RPS6KA2: variants seen among roughly 807,000 people sequenced by gnomAD.
The protein encoded by RPS6KA2 is ribosomal protein S6 kinase alpha-2.
RPS6KA2 carries 42 observed loss-of-function variants against 91.8 expected under a neutral mutation model. The ratio of observed to expected loss-of-function variants is 0.46; its 90% CI spans 0.36 to 0.59. The LOEUF (loss-of-function observed/expected upper bound fraction) is 0.59, where lower values mean the gene tolerates loss of function less well. Among genes scored for constraint, RPS6KA2 ranks in the 20% least tolerant of loss-of-function variants. RPS6KA2 has a pLI of 0.00. For missense variants in RPS6KA2, 798 were observed against 978.5 expected, an observed-to-expected ratio of 0.82 and a Z score of 2.46; for synonymous variants, 414 against 393.6, an observed-to-expected ratio of 1.05 and a Z score of -0.61.
intron 2 of RPS6KA2, among the ~76,000 whole-genome samples, chr6:166,742,778 A>G (rs1790852911): frequency 1.3e-5 from 2 of 152,234 alleles, no homozygotes; most frequent in African/African-American, 4.8e-5. Flanking sequence ...GCTAGCAGGG[A>G]TTTTTCATTA....
At chr6:166,810,603 G>A (rs1455244883) in intron 2 of RPS6KA2, among the ~76,000 whole-genome samples, 2 of 152,164 alleles carry the variant, frequency 1.3e-5, no homozygotes, top group African/African-American at 4.8e-5. Context: ...GGCTTTGTAA[G>A]TTGCCTTTGT....
At chr6:166,480,479 T>TTTTATA (rs1781157746) in intron 10 of RPS6KA2, among the ~76,000 whole-genome samples, 2 of 99,874 alleles carry the variant, frequency 2.0e-5, no homozygotes, top group African/African-American at 4.8e-5. Context: ...GATTGTGATT[T>TTTTATA]TATATATATA....
intron 2 of RPS6KA2, among the ~76,000 whole-genome samples, chr6:166,776,740 C>T (rs977082050): frequency 5.9e-5 from 9 of 152,232 alleles, no homozygotes; most frequent in African/African-American, 2.2e-4. Context: ...TGTGTCAACG[C>T]TTCCTTCCCT....
chr6:166,595,836 T>C (rs1161119380), intron 1 of RPS6KA2, among the ~76,000 whole-genome samples: 1 of 152,212 alleles, frequency 6.6e-6, no homozygotes, highest in Non-Finnish European at 1.5e-5. Context: ...TTCAATGTAT[T>C]ACCAATAAAG....
At chr6:166,522,391 G>A (rs1354935083) in intron 3 of RPS6KA2, among the ~76,000 whole-genome samples, 2 of 152,168 alleles carry the variant, frequency 1.3e-5, no homozygotes, top group East Asian at 1.9e-4. Flanking sequence ...ACAAACCCAC[G>A]GGACCTTGGC....
chr6:166,786,957 T>C (rs1196759286), intron 2 of RPS6KA2, among the ~76,000 whole-genome samples: 1 of 151,994 alleles, frequency 6.6e-6, no homozygotes, highest in Non-Finnish European at 1.5e-5. Flanking sequence ...GCAATGTGGG[T>C]TTTAAATGGC....
In RPS6KA2 at chr6:166,431,124, C is replaced by T. The variant is rs544557242; in HGVS notation, c.1423-513G>A. Among the ~76,000 whole-genome samples the T allele has an allele frequency of 3.9e-5, 6 of 152,254 alleles. No individual in the cohort carries two copies. In the South Asian group the frequency reaches 1.0e-3, roughly 26 times the overall value. ...TGTATTTTTAGTAGAGACAGGGTTT[C>T]ACCATGTTGGCCAAGCTGGACTCAA... On this transcript the variant is annotated intron_variant, in intron 15 of 20. Coordinates refer to ENST00000265678, the MANE Select transcript of RPS6KA2 (RefSeq NM_021135.6).
chr6:166,455,967 T>C (rs1410645128), intron 12 of RPS6KA2, among the ~76,000 whole-genome samples: 1 of 152,214 alleles, frequency 6.6e-6, no homozygotes, highest in African/African-American at 2.4e-5. Flanking sequence ...GAGTGTGAAG[T>C]GCTGAGCAAG....
chr6:166,736,117 G>T (rs78552798), intron 2 of RPS6KA2, among the ~76,000 whole-genome samples: 3 of 152,280 alleles, frequency 2.0e-5, no homozygotes, highest in South Asian at 4.1e-4. Flanking sequence ...AAGTAAGTTG[G>T]ACATAAAATC....
At chr6:166,548,203 T>A (rs555609103) in intron 1 of RPS6KA2, among the ~76,000 whole-genome samples, 1 of 152,248 alleles carries the variant, frequency 6.6e-6, no homozygotes, top group Admixed American at 6.5e-5. Context: ...TTGGAAGAAA[T>A]CAAAGATCTA....
chr6:166,765,288 G>A (rs776251886), intron 2 of RPS6KA2, among the ~76,000 whole-genome samples: 5 of 152,210 alleles, frequency 3.3e-5, no homozygotes, highest in Admixed American at 6.5e-5. Context: ...CAGGGCTGCA[G>A]GTCAGCAGGT....
chr6:166,653,341 G>A (rs573304384), intron 2 of RPS6KA2, among the ~76,000 whole-genome samples: 6 of 152,336 alleles, frequency 3.9e-5, no homozygotes, highest in East Asian at 3.9e-4. Flanking sequence ...GATTACAGGC[G>A]TGAGCCGCCC....
chr6:166,835,052 T>G (rs1345303797), intron 2 of RPS6KA2, among the ~76,000 whole-genome samples: 1 of 152,194 alleles, frequency 6.6e-6, no homozygotes, highest in African/African-American at 2.4e-5. Context: ...CAAACACCAT[T>G]TGTTAAAAAG....
At chr6:166,721,840 AGCTCAGAGGAGGAG>A (rs1432434928) in intron 2 of RPS6KA2, among the ~76,000 whole-genome samples, 46 of 151,662 alleles carry the variant, frequency 3.0e-4, no homozygotes, top group Non-Finnish European at 5.9e-4. Flanking sequence ...AGCCGGTGCC[AGCTCAGAGGAGGAG>A]CCGGTGCCAG....
chr6:166,472,383 A>G (rs979304624), intron 10 of RPS6KA2, among the ~76,000 whole-genome samples: 1 of 152,196 alleles, frequency 6.6e-6, no homozygotes, highest in East Asian at 1.9e-4. Flanking sequence ...TGTAACTGGT[A>G]TATGCTGGGT....
rs570096188 is a variant in RPS6KA2 at position 166,498,418 on chromosome 6, C to T, written c.747+90G>A. ...CAAGCCCTCAGGCACTGCCTTCTTC[C>T]GCATTTCGGGACCTCTGAACCAACC... On this transcript the variant is annotated intron_variant, in intron 8 of 20. Coordinates refer to ENST00000265678, the MANE Select transcript of RPS6KA2 (RefSeq NM_021135.6). 41 of 1,414,680 alleles carry T rather than the reference C, an allele frequency of 2.9e-5. No homozygotes were observed. The South Asian group carries it at 4.2e-4, about 15-fold the overall frequency. 87.6% of individuals were successfully genotyped at this position (1,414,680 alleles called of 1,614,324 possible). A position where few individuals can be genotyped will look rare whatever the true frequency, so the allele number is the denominator to read the frequency against.
At chr6:166,827,773 G>T (rs562529092) in intron 2 of RPS6KA2, among the ~76,000 whole-genome samples, 1 of 152,182 alleles carries the variant, frequency 6.6e-6, no homozygotes, top group Non-Finnish European at 1.5e-5. Flanking sequence ...CTCACACTGC[G>T]TATCTTAAAT....
intron 1 of RPS6KA2, among the ~76,000 whole-genome samples, chr6:166,560,178 T>A (rs1281691220): frequency 6.6e-6 from 1 of 152,100 alleles, no homozygotes; most frequent in Non-Finnish European, 1.5e-5. Flanking sequence ...AAGCCACCAA[T>A]GAATAAGCTG....
chr6:166,574,477 A>G (rs1784784029), intron 1 of RPS6KA2, among the ~76,000 whole-genome samples: 1 of 152,254 alleles, frequency 6.6e-6, no homozygotes, highest in East Asian at 1.9e-4. Flanking sequence ...ATGTGGCTGC[A>G]AAGGACATGA....
Sources: allele counts gnomAD v4.1 joint callset (sites outside exome capture counted in the v4.1 genomes callset), GRCh38; gene constraint gnomAD v4.1.1; transcripts MANE v1.5; gene names NCBI Gene and HGNC (gene_info 2026-07-23, HGNC 2026-07-21).